SLC25A21: variants seen among roughly 807,000 people sequenced by gnomAD.
SLC25A21 encodes mitochondrial 2-oxodicarboxylate carrier.
A neutral mutation model predicts 43.8 loss-of-function variants in SLC25A21; 47 were observed. That is an observed-to-expected ratio of 1.07 (90% CI 0.85 to 1.37). SLC25A21 has a LOEUF of 1.37. SLC25A21 is among the 40% of genes most tolerant of loss of function. The pLI, the probability that SLC25A21 is intolerant of heterozygous loss-of-function variation, is 0.00. For synonymous variants in SLC25A21, 131 were observed against 121.3 expected, an observed-to-expected ratio of 1.08 and a Z score of -0.52; for missense variants, 352 against 350.2, an observed-to-expected ratio of 1.00 and a Z score of -0.04.
In SLC25A21 at chr14:36,900,839, C is replaced by A. The variant is rs145511510; in HGVS notation, c.71-25835G>T. On this transcript the variant is annotated intron_variant, in intron 1 of 9. Transcript: ENST00000331299. Reference sequence around the variant, plus strand: ...AAGATTTACATAACAACTCTGGGAGCCATTGCAATAGGGCATTTTGATTAT... The same window carrying A: ...AAGATTTACATAACAACTCTGGGAGACATTGCAATAGGGCATTTTGATTAT... Among the ~76,000 whole-genome samples, 835 of 152,238 alleles carry A rather than the reference C, an allele frequency of 5.5e-3. 8 individuals are homozygous for A. Among genetic ancestry groups the A allele is most frequent in the African/African-American group, 0.02 (811 of 41,552 alleles).
chr14:37,151,571 T>C (rs1963759270), intron 1 of SLC25A21, among the ~76,000 whole-genome samples: 1 of 152,230 alleles, frequency 6.6e-6, no homozygotes, highest in Admixed American at 6.5e-5. Flanking sequence ...AAAAGAAGAC[T>C]TATGGGGGCA....
At chr14:36,884,367 C>G (rs1358979835) in intron 1 of SLC25A21, among the ~76,000 whole-genome samples, 2 of 152,136 alleles carry the variant, frequency 1.3e-5, no homozygotes, top group Non-Finnish European at 2.9e-5. Context: ...TTTCTTATCA[C>G]TCATTCACTG....
rs1465584839 is a variant in SLC25A21 at position 36,958,722 on chromosome 14, C to T, written c.71-83718G>A. Among the ~76,000 whole-genome samples, 5 of 150,616 alleles carry T rather than the reference C, an allele frequency of 3.3e-5. No individual in the cohort carries two copies. The East Asian group carries it at 9.8e-4, about 29-fold the overall frequency. Reference sequence around the variant, plus strand: ...ACACACACACACACACACACACATGCAACAGAGCCAGAAGGGAGGGGGACA... The same window carrying T: ...ACACACACACACACACACACACATGTAACAGAGCCAGAAGGGAGGGGGACA... On this transcript the variant is annotated intron_variant, in intron 1 of 9. Coordinates refer to ENST00000331299, the MANE Select transcript of SLC25A21 (RefSeq NM_030631.4).
chr14:37,161,101 C>G (rs1311279029), intron 1 of SLC25A21, among the ~76,000 whole-genome samples: 2 of 151,662 alleles, frequency 1.3e-5, no homozygotes, highest in Non-Finnish European at 2.9e-5. Flanking sequence ...AATAGACACC[C>G]TAAATATCCT....
At chr14:37,145,198 T>A (rs375694614) in intron 1 of SLC25A21, among the ~76,000 whole-genome samples, 6 of 152,090 alleles carry the variant, frequency 3.9e-5, no homozygotes, top group African/African-American at 1.4e-4. Flanking sequence ...AGTATTAGAG[T>A]TGGGATCTGG....
chr14:37,155,416 G>A (rs1011890275), intron 1 of SLC25A21, among the ~76,000 whole-genome samples: 5 of 152,144 alleles, frequency 3.3e-5, no homozygotes, highest in Non-Finnish European at 5.9e-5. Flanking sequence ...TCTAGCAAGA[G>A]GATATTCAGA....
chr14:37,108,708 T>A (rs1422886041), intron 1 of SLC25A21, among the ~76,000 whole-genome samples: 1 of 7,088 alleles, frequency 1.4e-4, no homozygotes, highest in African/African-American at 1.6e-4. Flanking sequence ...TTGTTAAGTG[T>A]GTGTGTGTGT....
At chr14:36,953,886 C>T (rs536333700) in intron 1 of SLC25A21, among the ~76,000 whole-genome samples, 15 of 152,182 alleles carry the variant, frequency 9.9e-5, no homozygotes, top group African/African-American at 3.6e-4. Flanking sequence ...TATTATGTGC[C>T]AGACACTCTG....
intron 3 of SLC25A21, chr14:36,759,733 T>A (rs1028268164): frequency 6.6e-6 from 1 of 152,184 alleles, no homozygotes; most frequent in African/African-American, 2.4e-5. Flanking sequence ...AATCCCAGCA[T>A]GTTGGGAGGC....
intron 2 of SLC25A21, among the ~76,000 whole-genome samples, chr14:36,872,698 T>C (rs2138552069): frequency 6.6e-6 from 1 of 152,326 alleles, no homozygotes; most frequent in East Asian, 1.9e-4. Flanking sequence ...GGACTGTATC[T>C]TCCTCCCTGC....
chr14:36,898,302 C>T (rs911568317), intron 1 of SLC25A21, among the ~76,000 whole-genome samples: 16 of 152,296 alleles, frequency 1.1e-4, no homozygotes, highest in South Asian at 8.3e-4. Flanking sequence ...TAGCAATGAG[C>T]GAGGCTCTGT....
At chr14:36,814,078 A>G in intron 2 of SLC25A21, 77 bp from the exon 3 acceptor site, 2 of 928,282 alleles carry the variant, frequency 2.2e-6, no homozygotes, top group Non-Finnish European at 3.4e-6. Flanking sequence ...AAAGTCTTAG[A>G]AACTCAGCTT....
intron 2 of SLC25A21, among the ~76,000 whole-genome samples, chr14:36,865,923 G>C (rs538670213): frequency 6.6e-6 from 1 of 152,258 alleles, no homozygotes; most frequent in South Asian, 2.1e-4. Context: ...AATATGTTTT[G>C]AGAGAAGTAT....
At chr14:37,169,253 C>A (rs1937509486) in intron 1 of SLC25A21, among the ~76,000 whole-genome samples, 4 of 152,000 alleles carry the variant, frequency 2.6e-5, no homozygotes, top group African/African-American at 9.7e-5. Flanking sequence ...TGCATTTGGG[C>A]CTGCTTACTC....
At chr14:37,061,847 T>C (rs941671) in intron 1 of SLC25A21, among the ~76,000 whole-genome samples, 34,760 of 152,190 alleles carry the variant, frequency 0.23, 4,595 homozygotes, top group Non-Finnish European at 0.29. Context: ...CTTCAAAAAA[T>C]TGTGGTTCAA....
chr14:36,862,576 A>G (rs1178645153), intron 2 of SLC25A21, among the ~76,000 whole-genome samples: 2 of 152,138 alleles, frequency 1.3e-5, no homozygotes, highest in Admixed American at 6.6e-5. Flanking sequence ...ACATGGACAC[A>G]GGGAGGGGAA....
In SLC25A21 at chr14:36,680,347, G is replaced by A. The variant is rs1882171491; in HGVS notation, c.*311C>T. ...TGAATTTTCATTGTGAAGCATTGAA[G>A]AGGAACACAGGAGACAAAGTTTCTA... On this transcript the variant is annotated 3_prime_UTR_variant, in exon 10 of 10. Coordinates refer to ENST00000331299, the MANE Select transcript of SLC25A21 (RefSeq NM_030631.4). The A allele has an allele frequency of 2.0e-6, 2 of 1,020,274 alleles. No homozygotes were observed. The highest frequency in any genetic ancestry group is 3.4e-5 in the African/African-American group (2 of 58,594). The allele number at this position is 1,020,274 out of a possible 1,614,324, so 63.2% of individuals were successfully genotyped here.
intron 1 of SLC25A21, among the ~76,000 whole-genome samples, chr14:37,067,591 T>C (rs1962086811): frequency 6.6e-6 from 1 of 152,134 alleles, no homozygotes. Flanking sequence ...AAATCTGAGA[T>C]GCAAGAAGTA....
At chr14:37,140,670 GAAGT>G (rs1963555173) in intron 1 of SLC25A21, among the ~76,000 whole-genome samples, 1 of 152,176 alleles carries the variant, frequency 6.6e-6, no homozygotes, top group Non-Finnish European at 1.5e-5. Context: ...AATGTTATAT[GAAGT>G]ATTTATTTAT....
Sources: gnomAD v4.1 joint callset for allele counts (sites outside exome capture counted in the v4.1 genomes callset) on GRCh38, gnomAD v4.1.1 for gene constraint, MANE v1.5 for transcripts, NCBI Gene and HGNC (gene_info 2026-07-23, HGNC 2026-07-21) for gene names.